Variants in DUSP16 observed in about 807,000 individuals in gnomAD.
DUSP16 encodes the protein dual specificity protein phosphatase 16.
DUSP16 carries 21 observed loss-of-function variants against 58.3 expected under a neutral mutation model. The observed-to-expected ratio is 0.36, with a 90% CI of 0.26 to 0.52. The LOEUF (loss-of-function observed/expected upper bound fraction) is 0.52. Ranked by LOEUF, DUSP16 falls within the 20% of genes least tolerant of loss-of-function variation. The probability of loss-of-function intolerance (pLI) is 0.94; values close to 1 mark genes in which losing one functional copy is unlikely to be tolerated. For missense variants in DUSP16, 726 were observed against 819.0 expected, an observed-to-expected ratio of 0.89 and a Z score of 1.39; for synonymous variants, 320 against 323.8, an observed-to-expected ratio of 0.99 and a Z score of 0.12.
chr12:12,477,209 G>C lies in DUSP16; in HGVS notation c.1622C>G (p.Ser541Trp). ...SAGLGLKGWHSDILAPQTSTP... is the reference protein window; with the variant it reads ...SAGLGLKGWHWDILAPQTSTP... ...AGAGGTCTGGGGGGCCAAGATATCC[G>C]AGTGCCAGCCCTTAAGGCCCAGGCC... is the stretch of plus-strand genomic sequence containing the variant. Residue 541 changes from serine (S) to tryptophan (W), a missense_variant, in exon 7 of 7, where the codon TCG becomes TGG. By Grantham distance (177) the Ser-to-Trp change is radical. Coordinates refer to ENST00000298573, the MANE Select transcript of DUSP16 (RefSeq NM_030640.3). The surrounding 1 kb of genome is among the most constrained non-coding windows in gnomAD (Gnocchi z 4.1). 1 of 1,614,194 alleles carries C rather than the reference G, an allele frequency of 6.2e-7. No individual in the cohort carries two copies. Among genetic ancestry groups the C allele is most frequent in the Admixed American group, 1.7e-5 (1 of 60,028 alleles).
At chr12:12,513,165 G>A (rs1171034362) in intron 3 of DUSP16, among the ~76,000 whole-genome samples, 5 of 152,180 alleles carry the variant, frequency 3.3e-5, no homozygotes, top group Non-Finnish European at 5.9e-5. Context: ...TTTAACCATA[G>A]CAAACATTAA....
chr12:12,486,483 T>A (rs1291548779), intron 5 of DUSP16, among the ~76,000 whole-genome samples: 17 of 37,706 alleles, frequency 4.5e-4, no homozygotes, highest in South Asian at 4.1e-3. Flanking sequence ...CAAATGAGAG[T>A]GTGTGTGTGT....
At chr12:12,514,622 T>C (rs1354835195) in intron 3 of DUSP16, among the ~76,000 whole-genome samples, 1 of 152,156 alleles carries the variant, frequency 6.6e-6, no homozygotes, top group Non-Finnish European at 1.5e-5. Context: ...GCCCGGCACA[T>C]GGCATAGAGC....
At chr12:12,514,005 A>G (rs1944113711) in intron 3 of DUSP16, among the ~76,000 whole-genome samples, 1 of 152,152 alleles carries the variant, frequency 6.6e-6, no homozygotes, top group Non-Finnish European at 1.5e-5. Flanking sequence ...TGCTCAATAA[A>G]TCAATGTTGG....
chr12:12,477,941 T>A lies in DUSP16; in HGVS notation c.890A>T (p.Lys297Met), dbSNP rs772174638. 8.7e-6 allele frequency: 14 copies of A among 1,614,082 alleles called. No individual in the cohort carries two copies. In the South Asian group the frequency reaches 9.9e-5, roughly 11 times the overall value. Residue 297 changes from lysine to methionine, a missense_variant, in exon 7 of 7, where the codon AAG becomes ATG. Coordinates refer to ENST00000298573, the MANE Select transcript of DUSP16 (RefSeq NM_030640.3). This position sits in a 1 kb window ranked among gnomAD's most constrained non-coding sequence, Gnocchi z 4.1. ...TGATGCTCCAGTCTGGTTCTTAATC[T>A]TCTTCTCATAGTCCAGGAGTTGGCC... ...FLGQLLDYEK[K>M]IKNQTGASGP...
chr12:12,544,761 C>G (rs1013227592), intron 1 of DUSP16, among the ~76,000 whole-genome samples: 2 of 151,586 alleles, frequency 1.3e-5, no homozygotes, highest in East Asian at 3.9e-4. Context: ...TTTAACCTTT[C>G]GCATTGAGAT....
intron 3 of DUSP16, among the ~76,000 whole-genome samples, chr12:12,505,826 AAAAG>A (rs1943987057): frequency 6.6e-6 from 1 of 152,226 alleles, no homozygotes; most frequent in African/African-American, 2.4e-5. Flanking sequence ...TTATAAAACA[AAAAG>A]AAGCCTCTTT....
chr12:12,504,691 T>TAAA (rs57833371), intron 3 of DUSP16, among the ~76,000 whole-genome samples: 42 of 119,096 alleles, frequency 3.5e-4, no homozygotes, highest in East Asian at 3.2e-3. Context: ...CAATCTCTGT[T>TAAA]AAAAAAAAAA....
chr12:12,558,007 C>A (rs1944835278), intron 1 of DUSP16, among the ~76,000 whole-genome samples: 1 of 152,238 alleles, frequency 6.6e-6, no homozygotes, highest in Non-Finnish European at 1.5e-5. Flanking sequence ...TCCCTGAGCC[C>A]TCTTTCTCTT....
chr12:12,549,590 T>C (rs952454283), intron 1 of DUSP16, among the ~76,000 whole-genome samples: 1 of 152,052 alleles, frequency 6.6e-6, no homozygotes, highest in East Asian at 1.9e-4. Context: ...AAGAAAAAAA[T>C]AACAGTCTCC....
At position 12,522,567 on chromosome 12, in the gene DUSP16, A is replaced by ATT. The variant is rs200720540; in HGVS notation, c.-365-1106_-365-1105dup. ...CTGGCACTGAACTTCTAGAGGGTAA[A>ATT]TTTTTTTTTTTTTTGAGACAGGGTC... On this transcript the variant is annotated intron_variant, in intron 1 of 6. Transcript: ENST00000298573. Among the ~76,000 whole-genome samples the ATT allele has an allele frequency of 6.6e-3, 965 of 145,950 alleles. 10 individuals carry two copies. Among genetic ancestry groups the ATT allele is most frequent in the African/African-American group, 0.022 (866 of 39,864 alleles).
intron 1 of DUSP16, among the ~76,000 whole-genome samples, chr12:12,545,442 CT>C (rs71436720): frequency 0.1 from 13,715 of 131,948 alleles, 1,329 homozygotes; most frequent in East Asian, 0.25. Context: ...AATTTGTGTA[CT>C]TTTTTTTTTT....
chr12:12,549,369 C>A (rs1258657329), intron 1 of DUSP16, among the ~76,000 whole-genome samples: 1 of 152,118 alleles, frequency 6.6e-6, no homozygotes, highest in African/African-American at 2.4e-5. Context: ...TGCACCCACC[C>A]CCGCACTTCC....
chr12:12,516,368 G>T (rs1420553656), intron 3 of DUSP16, among the ~76,000 whole-genome samples: 1 of 152,078 alleles, frequency 6.6e-6, no homozygotes, highest in Non-Finnish European at 1.5e-5. Context: ...AGTTTGACTT[G>T]GTTAGTAGGT....
At chr12:12,510,802 T>C (rs953273097) in intron 3 of DUSP16, among the ~76,000 whole-genome samples, 1 of 152,174 alleles carries the variant, frequency 6.6e-6, no homozygotes, top group Non-Finnish European at 1.5e-5. Context: ...ACATTGAATC[T>C]AGCAGGAAAA....
rs770469313 is a variant in DUSP16 at position 12,478,015 on chromosome 12, T to G, written c.816A>C (p.Arg272Ser). Residue 272 changes from arginine (R) to serine (S), a missense_variant and splice_region_variant, in exon 7 of 7, where the codon AGA becomes AGC. Transcript: ENST00000298573. ...TAGTAGGTCTTTTTTCTTTCACAAA[T>G]CTGCAGAGAGAGGAAAAAACAAAAA... is the stretch of plus-strand genomic sequence containing the variant. ...RMDMSLDEAY[R>S]FVKEKRPTIS... 2 of 1,566,716 alleles carry G rather than the reference T, an allele frequency of 1.3e-6. No homozygotes were observed. The highest frequency in any genetic ancestry group is 1.7e-6 in the Non-Finnish European group (2 of 1,157,390).
At chr12:12,480,406 T>C (rs1943542382) in intron 5 of DUSP16, 60 bp from the exon 6 acceptor site, 2 of 1,579,756 alleles carry the variant, frequency 1.3e-6, no homozygotes, top group Non-Finnish European at 1.7e-6. Flanking sequence ...AGTGAAATCT[T>C]GTTTCCATTT....
intron 5 of DUSP16, among the ~76,000 whole-genome samples, chr12:12,486,091 C>G (rs1715084285): frequency 6.6e-6 from 1 of 152,100 alleles, no homozygotes; most frequent in African/African-American, 2.4e-5. Context: ...CCGCGCCTGG[C>G]CAATTCCACT....
Position 12,475,240 on chromosome 12 carries a change from C to T in DUSP16, c.*1593G>A, listed in dbSNP as rs1276997250. On this transcript the variant is annotated 3_prime_UTR_variant, in exon 7 of 7. Transcript: ENST00000298573. Reference sequence around the variant, plus strand: ...GACAACACCCGCCCAGCCCCACCCCCAAAAAGCTGCTGTTGTGAATTAAGG... The same window carrying T: ...GACAACACCCGCCCAGCCCCACCCCTAAAAAGCTGCTGTTGTGAATTAAGG... 1 of 152,046 alleles carries T rather than the reference C, an allele frequency of 6.6e-6. No homozygotes were observed. Among genetic ancestry groups the T allele is most frequent in the Non-Finnish European group, 1.5e-5 (1 of 68,012 alleles). 9.4% of individuals were successfully genotyped at this position (152,046 alleles called of 1,614,324 possible).
Sources: allele counts gnomAD v4.1 joint callset (sites outside exome capture counted in the v4.1 genomes callset), GRCh38; gene constraint gnomAD v4.1.1; non-coding constraint Gnocchi (gnomAD v3.1); transcripts MANE v1.5; gene names NCBI Gene and HGNC (gene_info 2026-07-23, HGNC 2026-07-21).